The following RIPK1 variants were observed in gnomAD, a reference collection of about 807,000 sequenced individuals.
RIPK1 encodes the protein receptor interacting serine/threonine kinase 1, also known as receptor-interacting serine/threonine-protein kinase 1.
Under a neutral mutation model 62.4 loss-of-function variants are expected in RIPK1, and 27 were observed. The observed-to-expected ratio is 0.43, with a 90% CI of 0.32 to 0.60. The LOEUF is 0.60. Ranked by LOEUF, RIPK1 falls within the 20% of genes least tolerant of loss-of-function variation. The pLI, the probability that RIPK1 is intolerant of heterozygous loss-of-function variation, is 0.07. For synonymous variants in RIPK1, 287 were observed against 303.2 expected, an observed-to-expected ratio of 0.95 and a Z score of 0.55; for missense variants, 735 against 831.0, an observed-to-expected ratio of 0.88 and a Z score of 1.42.
At chr6:3,068,748 T>A (rs1758518258) in intron 1 of RIPK1, 87 bp downstream of exon 1, 1 of 825,440 alleles carries the variant, frequency 1.2e-6, no homozygotes, top group South Asian at 5.5e-5. Context: ...TCGCGCGCCC[T>A]CCCCCAGCAC....
At chr6:3,099,498 G>C (rs1460459142) in intron 7 of RIPK1, among the ~76,000 whole-genome samples, 1 of 152,128 alleles carries the variant, frequency 6.6e-6, no homozygotes, top group African/African-American at 2.4e-5. Flanking sequence ...GAGCCGAGAT[G>C]GAGCCACTGC....
In RIPK1 at chr6:3,077,007, G is replaced by A. The variant is rs756216072; in HGVS notation, c.164+20G>A. 1.3e-6 allele frequency: 2 copies of A among 1,583,690 alleles called. No individual in the cohort carries two copies. The highest frequency in any genetic ancestry group is 1.4e-5 in the African/African-American group (1 of 73,866). ...CATTGAGTGAGTAGGGAGCAGGGGT[G>A]GGTGGGCTAAGTTCTGAGCGGGATG... On this transcript the variant is annotated intron_variant, in intron 2 of 10. Coordinates refer to ENST00000259808, the MANE Select transcript of RIPK1 (RefSeq NM_001354930.2).
chr6:3,074,101 T>C (rs905722452), intron 1 of RIPK1, among the ~76,000 whole-genome samples: 1 of 152,254 alleles, frequency 6.6e-6, no homozygotes, highest in African/African-American at 2.4e-5. Flanking sequence ...GTACATCTGC[T>C]GAGTATGGGC....
At position 3,077,912 on chromosome 6, in the gene RIPK1, C is replaced by G. The variant is rs1759170205; in HGVS notation, c.298C>G (p.Leu100Val). The G allele has an allele frequency of 1.2e-6, 2 of 1,614,020 alleles. No individual in the cohort carries two copies. Among genetic ancestry groups the G allele is most frequent in the African/African-American group, 2.7e-5 (2 of 74,940 alleles). The change falls in exon 3 of 11, where the codon CTG (leucine) becomes GTG (valine). Residue 100 changes from leucine (L) to valine (V), a missense_variant. Leu to Val is a conservative substitution (Grantham distance 32). This residue lies in a region of RIPK1 where 671 missense variants were observed against 726.2 expected (regional missense o/e 0.92). Transcript: ENST00000259808. ...GATGGAGTACATGGAGAAGGGCAAC[C>G]TGATGCACGTGCTGAAAGCCGAGGT... is the stretch of plus-strand genomic sequence containing the variant. ...LVMEYMEKGNLMHVLKAEMST... is the reference protein window; with the variant it reads ...LVMEYMEKGNVMHVLKAEMST...
intron 7 of RIPK1, among the ~76,000 whole-genome samples, chr6:3,090,841 C>G (rs1760033338): frequency 8.8e-6 from 1 of 114,054 alleles, no homozygotes; most frequent in Non-Finnish European, 1.6e-5. Flanking sequence ...CCTGCCGCAC[C>G]TAGTAACCGC....
At chr6:3,110,505 G>GC (rs1272793442) in intron 9 of RIPK1, among the ~76,000 whole-genome samples, 1 of 151,928 alleles carries the variant, frequency 6.6e-6, no homozygotes, top group Non-Finnish European at 1.5e-5. Context: ...ACCGCACCTG[G>GC]CCCACTATAC....
chr6:3,099,777 TA>T (rs1760502445), intron 7 of RIPK1, among the ~76,000 whole-genome samples: 1 of 152,186 alleles, frequency 6.6e-6, no homozygotes, highest in Non-Finnish European at 1.5e-5. Context: ...GCAGTGTTGG[TA>T]AGAGTGGCGA....
chr6:3,105,443 T>C lies in RIPK1; in HGVS notation c.1007-39T>C. ...CAGATTTTATTTTACTTTTTAATGT[T>C]TCATGACACCCATTCTAATGTTGAT... On this transcript the variant is annotated intron_variant, in intron 8 of 10. Transcript: ENST00000259808. The surrounding 1 kb of genome is among the most constrained non-coding windows in gnomAD (Gnocchi z 4.5). 7.0e-7 allele frequency: 1 copy of C among 1,430,366 alleles called. No individual in the cohort carries two copies. Among genetic ancestry groups the C allele is most frequent in the Non-Finnish European group, 9.5e-7 (1 of 1,057,158 alleles). 88.6% of individuals were successfully genotyped at this position (1,430,366 alleles called of 1,614,324 possible).
chr6:3,105,219 CT>C lies in RIPK1; in HGVS notation c.1007-257del, dbSNP rs1269719857. Among the ~76,000 whole-genome samples, 3 of 152,124 alleles carry C rather than the reference CT, an allele frequency of 2.0e-5. No individual in the cohort carries two copies. Among genetic ancestry groups the C allele is most frequent in the East Asian group, 1.9e-4 (1 of 5,184 alleles). ...ACCTTCTCTGCTCCAAACCAAGTCCCTTTTTTCCTTGATCATCCCTGCAACA... is the reference window on the plus strand; with the variant it reads ...ACCTTCTCTGCTCCAAACCAAGTCCCTTTTTCCTTGATCATCCCTGCAACA... On this transcript the variant is annotated intron_variant, in intron 8 of 10. Coordinates refer to ENST00000259808, the MANE Select transcript of RIPK1 (RefSeq NM_001354930.2). The surrounding 1 kb of genome is among the most constrained non-coding windows in gnomAD (Gnocchi z 4.5).
At chr6:3,064,877 G>C (rs950445548), upstream of RIPK1, among the ~76,000 whole-genome samples, 1 of 152,114 alleles carries the variant, frequency 6.6e-6, no homozygotes, top group Admixed American at 6.5e-5. Flanking sequence ...AGAAGAAACC[G>C]TTTTAACGAG....
chr6:3,095,203 A>G (rs1365508373), intron 7 of RIPK1, among the ~76,000 whole-genome samples: 1 of 152,250 alleles, frequency 6.6e-6, no homozygotes, highest in Non-Finnish European at 1.5e-5. Flanking sequence ...TTTAAAATTT[A>G]GGTAAAATGG....
rs148623885 is a variant in RIPK1 at position 3,090,350 on chromosome 6, C to G, written c.915+693C>G. ...GCCATCCATCTTCCAGCAACCTACC[C>G]CATAATCATGAACAGGAGACTACGA... On this transcript the variant is annotated intron_variant, in intron 7 of 10. Coordinates refer to ENST00000259808, the MANE Select transcript of RIPK1 (RefSeq NM_001354930.2). 7.2e-3 allele frequency among the ~76,000 whole-genome samples: 1,102 copies of G among 152,136 alleles called. 12 individuals carry two copies. The highest frequency in any genetic ancestry group is 0.024 in the African/African-American group (1,015 of 41,482).
chr6:3,076,842 T>C lies in RIPK1; in HGVS notation c.19T>C (p.Leu7=), dbSNP rs1759088128. 1 of 1,613,368 alleles carries C rather than the reference T, an allele frequency of 6.2e-7. No individual in the cohort carries two copies. The highest frequency in any genetic ancestry group is 8.5e-7 in the Non-Finnish European group (1 of 1,179,784). Residue 7 remains leucine, a synonymous_variant, in exon 2 of 11, where the codon TTG becomes CTG. Transcript: ENST00000259808. The part of the protein sequence containing the change: MQPDMS[L]NVIKMKSSDF... ...CTTCAGAATGCAACCAGACATGTCC[T>C]TGAATGTCATTAAGATGAAATCCAG...
chr6:3,076,931 C>T lies in RIPK1; in HGVS notation c.108C>T (p.His36=), dbSNP rs775142069. The T allele has an allele frequency of 4.3e-6, 7 of 1,611,720 alleles. No homozygotes were observed. The East Asian group carries it at 6.7e-5, about 15-fold the overall frequency. ...TTGGGAAGGTGTCTCTGTGTTTCCA[C>T]AGAACCCAGGGACTCATGATCATGA... The part of the protein sequence containing the change: ...GGFGKVSLCF[H]RTQGLMIMKT... The change falls in exon 2 of 11, where the codon CAC becomes CAT. Residue 36 remains histidine, a synonymous_variant. Coordinates refer to ENST00000259808, the MANE Select transcript of RIPK1 (RefSeq NM_001354930.2).
intron 4 of RIPK1, among the ~76,000 whole-genome samples, chr6:3,082,557 C>T (rs1287928534): frequency 6.6e-6 from 1 of 152,178 alleles, no homozygotes; most frequent in African/African-American, 2.4e-5. Context: ...GTTCAGGCTA[C>T]AGCTCAAAAC....
At chr6:3,068,355 CAA>C, upstream of RIPK1, 1 of 985,452 alleles carries the variant, frequency 1.0e-6, no homozygotes. Context: ...CGCTTGAAAA[CAA>C]AGTCCGCGAT....
chr6:3,069,808 C>G (rs938076410), intron 1 of RIPK1, among the ~76,000 whole-genome samples: 3 of 152,076 alleles, frequency 2.0e-5, no homozygotes, highest in Admixed American at 2.0e-4. Flanking sequence ...GTCAGGAGTT[C>G]GAGACCAGCC....
chr6:3,073,466 G>A (rs1032540537), intron 1 of RIPK1, among the ~76,000 whole-genome samples: 16 of 152,174 alleles, frequency 1.1e-4, no homozygotes, highest in South Asian at 2.1e-4. Flanking sequence ...TGGAGGGCCC[G>A]TGCTCTCGGA....
chr6:3,068,733 G>T, intron 1 of RIPK1, 72 bp downstream of exon 1: 1 of 933,720 alleles, frequency 1.1e-6, no homozygotes, highest in Non-Finnish European at 1.3e-6. Context: ...CCCCCTGGTC[G>T]GGGTTCGCGC....
Sources: gnomAD v4.1 joint callset for allele counts (sites outside exome capture counted in the v4.1 genomes callset) on GRCh38, gnomAD v4.1.1 for gene constraint, gnomAD v4.1.1 regional missense constraint, Gnocchi (gnomAD v3.1) non-coding constraint, MANE v1.5 for transcripts, NCBI Gene and HGNC (gene_info 2026-07-23, HGNC 2026-07-21) for gene names.